The following ADGRV1 variants were observed in gnomAD, a reference collection of about 807,000 sequenced individuals.
The protein encoded by ADGRV1 is adhesion G protein-coupled receptor V1.
Under a neutral mutation model 596.2 loss-of-function variants are expected in ADGRV1, and 359 were observed. The observed-to-expected ratio is 0.60, with a 90% CI of 0.55 to 0.66. The LOEUF (loss-of-function observed/expected upper bound fraction) is 0.66. ADGRV1 is among the 30% of genes least tolerant of loss of function. ADGRV1 has a pLI of 0.00. For synonymous variants in ADGRV1, 2,681 were observed against 2,679.2 expected (o/e 1.00, Z -0.02); for missense variants, 7,274 against 7,575.6 (o/e 0.96, Z 1.48).
rs145182505 is a variant in ADGRV1 at position 90,618,448 on chromosome 5, T to G, written c.357+495T>G. The stretch of plus-strand genomic sequence containing the variant: ...TTGAGGCAATGACTCGCTAACACCA[T>G]TCTGGTTGTTTTTTCTAAAGAACAT... On this transcript the variant is annotated intron_variant, in intron 3 of 89. Coordinates refer to ENST00000405460, the MANE Select transcript of ADGRV1 (RefSeq NM_032119.4). Among the ~76,000 whole-genome samples, 18 of 152,346 alleles carry G rather than the reference T, an allele frequency of 1.2e-4. No individual in the cohort carries two copies. In the East Asian group the frequency reaches 3.5e-3, roughly 29 times the overall value.
Position 90,980,770 on chromosome 5 carries a change from C to T in ADGRV1, c.17974-4574C>T, listed in dbSNP as rs143023647. Among the ~76,000 whole-genome samples, 333 of 152,258 alleles carry T rather than the reference C, an allele frequency of 2.2e-3. 1 individual carries two copies. The highest frequency in any genetic ancestry group is 7.7e-3 in the African/African-American group (321 of 41,532). On this transcript the variant is annotated intron_variant, in intron 84 of 89. Transcript: ENST00000405460. ...CGCATAGTCAATCAGGCACACAGATCACATTTGCTATATATCTGTTAACAT... is the reference window on the plus strand; with the variant it reads ...CGCATAGTCAATCAGGCACACAGATTACATTTGCTATATATCTGTTAACAT...
At chr5:90,794,648 T>C (rs1250645177) in intron 70 of ADGRV1, among the ~76,000 whole-genome samples, 1 of 152,124 alleles carries the variant, frequency 6.6e-6, no homozygotes, top group Non-Finnish European at 1.5e-5. Flanking sequence ...TCGTTTCTGT[T>C]TGTGCCCAAT....
At chr5:90,721,244 C>T (rs1002641039) in intron 45 of ADGRV1, among the ~76,000 whole-genome samples, 185 bp downstream of exon 45, 1 of 152,050 alleles carries the variant, frequency 6.6e-6, no homozygotes, top group Non-Finnish European at 1.5e-5. Flanking sequence ...GAGGCTCATG[C>T]CTGTAATCCC....
intron 83 of ADGRV1, among the ~76,000 whole-genome samples, chr5:90,871,605 G>T (rs1056165822): frequency 1.1e-4 from 16 of 152,184 alleles, no homozygotes; most frequent in Admixed American, 9.2e-4. Flanking sequence ...AAATTTGTGA[G>T]GCAAATCCAG....
chr5:90,797,287 C>CAAAAAAAAAAAAAAAAA (rs780696194), intron 70 of ADGRV1, among the ~76,000 whole-genome samples: 10 of 26,348 alleles, frequency 3.8e-4, no homozygotes, highest in East Asian at 2.7e-3. Context: ...AAATGAAAAG[C>CAAAAAAAAAAAAAAAAA]AAAAAAAAAA....
intron 73 of ADGRV1, among the ~76,000 whole-genome samples, chr5:90,809,897 A>C (rs1245193250): frequency 6.6e-6 from 1 of 152,204 alleles, no homozygotes; most frequent in South Asian, 2.1e-4. Context: ...ACATTGTAGT[A>C]ATATTGTTCC....
At position 90,681,308 on chromosome 5, in the gene ADGRV1, C is replaced by A; in HGVS notation, c.5525-7C>A. 6.2e-7 allele frequency: 1 copy of A among 1,609,186 alleles called. No individual in the cohort carries two copies. The highest frequency in any genetic ancestry group is 1.1e-5 in the South Asian group (1 of 90,004). On this transcript the variant is annotated splice_polypyrimidine_tract_variant and splice_region_variant and intron_variant, in intron 26 of 89. Transcript: ENST00000405460. Reference sequence around the variant, plus strand: ...TTTTTTCTATTTGTTGGAACTTGTTCATGCAGCCAGTCTAGGAGTGGCTTC... The same window carrying A: ...TTTTTTCTATTTGTTGGAACTTGTTAATGCAGCCAGTCTAGGAGTGGCTTC...
chr5:91,133,780 G>C (rs1794407982), intron 87 of ADGRV1, among the ~76,000 whole-genome samples: 1 of 152,160 alleles, frequency 6.6e-6, no homozygotes, highest in African/African-American at 2.4e-5. Flanking sequence ...CCATAAGTAT[G>C]TTTTTAATTC....
chr5:90,651,826 G>A (rs973972016), intron 18 of ADGRV1, 96 bp downstream of exon 18: 7 of 781,522 alleles, frequency 9.0e-6, no homozygotes, highest in Non-Finnish European at 1.2e-5. Flanking sequence ...TTAAAAATTG[G>A]TTAAGAATTG....
At chr5:90,786,968 G>A (rs1483201651) in intron 67 of ADGRV1, among the ~76,000 whole-genome samples, 2 of 152,112 alleles carry the variant, frequency 1.3e-5, no homozygotes, top group African/African-American at 4.8e-5. Flanking sequence ...AACACGTGGG[G>A]CCTAAGGGGC....
rs571216925 is a variant in ADGRV1, at chr5:90,756,022, A to C, written c.11581-432A>C. On this transcript the variant is annotated intron_variant, in intron 55 of 89. Transcript: ENST00000405460. The stretch of plus-strand genomic sequence containing the variant: ...TATCTCTGGAAATTTTTCATTATGC[A>C]AAAACAAAGTAAGAAATTTTTAAAA... 1.7e-3 allele frequency among the ~76,000 whole-genome samples: 265 copies of C among 151,680 alleles called. 1 individual carries two copies. The highest frequency in any genetic ancestry group is 5.9e-3 in the African/African-American group (243 of 41,502).
chr5:90,912,088 C>T (rs1441867556), intron 83 of ADGRV1, among the ~76,000 whole-genome samples: 3 of 151,980 alleles, frequency 2.0e-5, no homozygotes, highest in Non-Finnish European at 4.4e-5. Context: ...TAACAAGGTG[C>T]TTGGTAAGCG....
intron 71 of ADGRV1, among the ~76,000 whole-genome samples, chr5:90,803,410 C>T (rs1030928722): frequency 1.2e-4 from 19 of 152,134 alleles, no homozygotes; most frequent in African/African-American, 3.4e-4. Context: ...TCCTTTCAGG[C>T]GGATTCTGTC....
At chr5:91,151,058 A>G (rs1796010640) in intron 88 of ADGRV1, among the ~76,000 whole-genome samples, 2 of 152,298 alleles carry the variant, frequency 1.3e-5, no homozygotes, top group East Asian at 1.9e-4. Flanking sequence ...GCCAAGGAAA[A>G]CAGTATTTGT....
At chr5:90,734,539 A>G (rs1048762966) in intron 50 of ADGRV1, among the ~76,000 whole-genome samples, 3 of 150,080 alleles carry the variant, frequency 2.0e-5, no homozygotes, top group Non-Finnish European at 4.4e-5. Context: ...TTGGCCATAT[A>G]TAAGGCATCT....
Position 90,855,833 on chromosome 5 carries a change from A to T in ADGRV1, c.17687A>T (p.Tyr5896Phe). 6.2e-7 allele frequency: 1 copy of T among 1,613,100 alleles called. No homozygotes were observed. Among genetic ancestry groups the T allele is most frequent in the Non-Finnish European group, 8.5e-7 (1 of 1,179,164 alleles). ...ACSHMSVYAV[Y>F]ARTDNLSSYN... Reference sequence around the variant, plus strand: ...TCACACATGTCTGTGTATGCTGTCTATGCTCGGACTGACAACTTGTCTTCA... The same window carrying T: ...TCACACATGTCTGTGTATGCTGTCTTTGCTCGGACTGACAACTTGTCTTCA... The change falls in exon 82 of 90, where the codon TAT (tyrosine) becomes TTT (phenylalanine). Residue 5896 changes from tyrosine (Y) to phenylalanine (F), a missense_variant. By Grantham distance (22) the Tyr-to-Phe change is conservative. This residue lies in a region of ADGRV1 where 1,874 missense variants were observed against 1,970.2 expected (regional missense o/e 0.95). Transcript: ENST00000405460.
intron 87 of ADGRV1, among the ~76,000 whole-genome samples, chr5:91,105,900 T>C (rs1461224594): frequency 6.6e-6 from 1 of 151,216 alleles, no homozygotes; most frequent in East Asian, 1.9e-4. Flanking sequence ...TAAGAATCTT[T>C]AGATTTTTAT....
chr5:90,922,991 T>G (rs1173536957), intron 83 of ADGRV1, among the ~76,000 whole-genome samples: 5 of 151,834 alleles, frequency 3.3e-5, no homozygotes, highest in Non-Finnish European at 7.4e-5. Flanking sequence ...ACTGAGGGAC[T>G]TGATTTGTAT....
intron 86 of ADGRV1, among the ~76,000 whole-genome samples, chr5:91,084,578 A>G (rs974922000): frequency 6.6e-6 from 1 of 152,200 alleles, no homozygotes; most frequent in Non-Finnish European, 1.5e-5. Context: ...GTCAGGAAAG[A>G]ACAGGTGCTG....
Sources: gnomAD v4.1 joint callset for allele counts (sites outside exome capture counted in the v4.1 genomes callset) on GRCh38, gnomAD v4.1.1 for gene constraint, gnomAD v4.1.1 regional missense constraint, MANE v1.5 for transcripts, NCBI Gene and HGNC (gene_info 2026-07-23, HGNC 2026-07-21) for gene names.